The following AAAS variants were observed in gnomAD, a reference collection of about 807,000 sequenced individuals.
AAAS encodes the protein aladin.
In AAAS, 60 loss-of-function variants were observed where a neutral mutation model predicts 75.6. The observed-to-expected ratio is 0.79, with a 90% confidence interval of 0.64 to 0.98. The LOEUF (loss-of-function observed/expected upper bound fraction) is 0.98. Ranked by LOEUF, AAAS falls within the 50% of genes least tolerant of loss-of-function variation. The probability of loss-of-function intolerance (pLI) is 0.00; values close to 1 mark genes in which losing one functional copy is unlikely to be tolerated. For missense variants in AAAS, 658 were observed against 686.9 expected (o/e 0.96, Z 0.47); for synonymous variants, 271 against 265.0 (o/e 1.02, Z -0.22).
At chr12:53,313,058 G>A (rs1184870866) in intron 7 of AAAS, among the ~76,000 whole-genome samples, 42 of 149,976 alleles carry the variant, frequency 2.8e-4, no homozygotes, top group East Asian at 1.6e-3. Context: ...GGGTTTCACC[G>A]TGTTAGCCAG....
chr12:53,319,650 A>G (rs1011366702), intron 2 of AAAS, among the ~76,000 whole-genome samples: 3 of 151,812 alleles, frequency 2.0e-5, no homozygotes, highest in African/African-American at 7.3e-5. Flanking sequence ...CTAAAATACA[A>G]AAAGTTAGCT....
chr12:53,318,471 C>G (rs556489162), intron 2 of AAAS, among the ~76,000 whole-genome samples: 5 of 152,114 alleles, frequency 3.3e-5, no homozygotes, highest in African/African-American at 1.2e-4. Flanking sequence ...CCTTGGCCTC[C>G]CAAAGTGCTG....
At position 53,309,739 on chromosome 12, in the gene AAAS, G is replaced by C. The variant is rs774653194; in HGVS notation, c.690-18C>G. 1.2e-6 allele frequency: 2 copies of C among 1,611,758 alleles called. No individual in the cohort carries two copies. Among genetic ancestry groups the C allele is most frequent in the Non-Finnish European group, 1.7e-6 (2 of 1,179,262 alleles). On this transcript the variant is annotated intron_variant, in intron 7 of 15. Transcript: ENST00000209873. ...AAGAGGGTCTGGAGGGGAACACAGA[G>C]GATGTGGAGTCAGAAGATGACAAGA...
chr12:53,308,010 G>A, intron 14 of AAAS, 42 bp downstream of exon 14: 1 of 1,613,112 alleles, frequency 6.2e-7, no homozygotes. Context: ...GTGCAGGAAG[G>A]CTGGTGAGAA....
intron 7 of AAAS, among the ~76,000 whole-genome samples, chr12:53,312,110 G>C (rs1404618987): frequency 6.7e-6 from 1 of 148,412 alleles, no homozygotes; most frequent in African/African-American, 2.5e-5. Flanking sequence ...GGCGGATCAC[G>C]AAGTCAAGAG....
chr12:53,314,546 C>A, intron 6 of AAAS, 105 bp from the exon 7 acceptor site: 8 of 1,500,236 alleles, frequency 5.3e-6, no homozygotes, highest in Non-Finnish European at 7.4e-6. Flanking sequence ...GATGATCCAT[C>A]CAGGGGCCAG....
At chr12:53,308,863 T>C (rs748827317) in intron 10 of AAAS, 48 bp from the exon 11 acceptor site, 3 of 1,613,328 alleles carry the variant, frequency 1.9e-6, no homozygotes, top group Non-Finnish European at 2.5e-6. Context: ...TATAGTAGAA[T>C]GCAGGAGGGA....
At position 53,315,135 on chromosome 12, in the gene AAAS, C is replaced by T. The variant is rs768453076; in HGVS notation, c.405G>A (p.Arg135=). The change falls in exon 5 of 16, where the codon AGG becomes AGA. Residue 135 remains arginine, a synonymous_variant. Transcript: ENST00000209873. ...HGSLFPHLSL[R]SEDLIAEFAQ... ...CAAATTCAGCGATCAGATCTTCGCT[C>T]CTGAGCTGTAAGAACAAGATAGACA... The T allele has an allele frequency of 3.7e-6, 6 of 1,614,040 alleles. No homozygotes were observed. In the African/African-American group the frequency reaches 4.0e-5, roughly 11 times the overall value.
In AAAS at chr12:53,321,532, G is replaced by GC; in HGVS notation, c.-68dup. 6.2e-7 allele frequency: 1 copy of GC among 1,609,738 alleles called. No homozygotes were observed. Among genetic ancestry groups the GC allele is most frequent in the Non-Finnish European group, 8.5e-7 (1 of 1,179,470 alleles). On this transcript the variant is annotated 5_prime_UTR_variant, in exon 1 of 16. Transcript: ENST00000209873. ...CCGGAACGGCACAGACCGCACTCCC[G>GC]CAACTCGGTTCCCGGGCTAGATTCG... is the stretch of plus-strand genomic sequence containing the variant.
rs200193938 is a variant in AAAS at position 53,320,739 on chromosome 12, A to T, written c.124-47T>A. On this transcript the variant is annotated intron_variant, in intron 1 of 15. Transcript: ENST00000209873. ...TGTGACGGTGATTCAGTCTCTTCCC[A>T]AATCTTTAATTCCGTGCCATCTCCA... 612 of 1,608,012 alleles carry T rather than the reference A, an allele frequency of 3.8e-4. 4 individuals carry two copies. The highest frequency in any genetic ancestry group is 8.3e-5 in the Non-Finnish European group (98 of 1,174,814).
At chr12:53,307,751 C>T (rs770631161) in intron 15 of AAAS, 38 bp from the exon 16 acceptor site, 1 of 1,613,684 alleles carries the variant, frequency 6.2e-7, no homozygotes, top group Non-Finnish European at 8.5e-7. Context: ...GAGTCTGGGC[C>T]CAAAGAAGGG....
At chr12:53,312,347 G>A (rs1056353815) in intron 7 of AAAS, among the ~76,000 whole-genome samples, 26 of 152,142 alleles carry the variant, frequency 1.7e-4, no homozygotes, top group African/African-American at 6.0e-4. Context: ...AAGCCAAGGC[G>A]GGCGGATCAC....
At chr12:53,314,547 CA>C in intron 6 of AAAS, 106 bp from the exon 7 acceptor site, 3 of 1,501,942 alleles carry the variant, frequency 2.0e-6, no homozygotes, top group Non-Finnish European at 2.8e-6. Flanking sequence ...ATGATCCATC[CA>C]GGGGCCAGGG....
intron 7 of AAAS, among the ~76,000 whole-genome samples, 198 bp downstream of exon 7, chr12:53,314,100 A>G (rs1346391238): frequency 1.3e-5 from 2 of 152,124 alleles, no homozygotes; most frequent in African/African-American, 2.4e-5. Context: ...TTGTCCCCAC[A>G]ATCCAAAAAG....
intron 2 of AAAS, 85 bp downstream of exon 2, chr12:53,320,480 G>A: frequency 6.3e-7 from 1 of 1,588,118 alleles, no homozygotes; most frequent in South Asian, 1.1e-5. Context: ...AAAGTCTTTT[G>A]AAGAACACCC....
chr12:53,315,065 C>T (rs369141244), intron 5 of AAAS, 29 bp downstream of exon 5: 1 of 1,613,604 alleles, frequency 6.2e-7, no homozygotes, highest in African/African-American at 1.3e-5. Flanking sequence ...GACTTCCTTT[C>T]CACAAAGCTC....
chr12:53,317,333 G>A (rs546469021), intron 2 of AAAS, among the ~76,000 whole-genome samples: 255 of 151,990 alleles, frequency 1.7e-3, no homozygotes, highest in African/African-American at 5.2e-3. Flanking sequence ...TGAGGCGGGC[G>A]GATCACAAGG....
intron 7 of AAAS, among the ~76,000 whole-genome samples, chr12:53,310,058 G>A (rs1461545270): frequency 6.6e-6 from 1 of 152,180 alleles, no homozygotes; most frequent in African/African-American, 2.4e-5. Flanking sequence ...CCCTACCCCA[G>A]AACACAGCTC....
In AAAS at chr12:53,308,823, C is replaced by A; in HGVS notation, c.997-8G>T. On this transcript the variant is annotated splice_polypyrimidine_tract_variant and splice_region_variant and intron_variant, in intron 10 of 15. Coordinates refer to ENST00000209873, the MANE Select transcript of AAAS (RefSeq NM_015665.6). The stretch of plus-strand genomic sequence containing the variant: ...TGGGCTCCAGCAGCCAGTCTGGGGT[C>A]AGGGAGCAAAAGGCAGGAGAAGGTA... 1 of 1,613,938 alleles carries A rather than the reference C, an allele frequency of 6.2e-7. No individual in the cohort carries two copies. The highest frequency in any genetic ancestry group is 1.1e-5 in the South Asian group (1 of 91,056).
Sources: gnomAD v4.1 joint callset for allele counts (sites outside exome capture counted in the v4.1 genomes callset) on GRCh38, gnomAD v4.1.1 for gene constraint, MANE v1.5 for transcripts, NCBI Gene and HGNC (gene_info 2026-07-23, HGNC 2026-07-21) for gene names.